The following PRKCB variants were observed in gnomAD, a reference collection of about 807,000 sequenced individuals.
PRKCB encodes protein kinase C beta.
In PRKCB, 13 loss-of-function variants were observed where a neutral mutation model predicts 81.5. That is an observed-to-expected ratio of 0.16 (90% CI 0.10 to 0.25). PRKCB has a LOEUF of 0.25. PRKCB is among the 10% of genes least tolerant of loss of function. PRKCB has a pLI of 1.00. For missense variants in PRKCB, 509 were observed against 875.7 expected (o/e 0.58, Z 5.29); for synonymous variants, 335 against 321.4 (o/e 1.04, Z -0.45).
At chr16:24,089,848 A>C (rs1342003627) in intron 5 of PRKCB, among the ~76,000 whole-genome samples, 2 of 152,184 alleles carry the variant, frequency 1.3e-5, no homozygotes, top group African/African-American at 4.8e-5. Flanking sequence ...GAATAAGAAT[A>C]ATAATGAAAT....
intron 3 of PRKCB, among the ~76,000 whole-genome samples, chr16:23,998,728 C>T (rs774720901): frequency 5.3e-5 from 8 of 152,200 alleles, no homozygotes; most frequent in Non-Finnish European, 1.0e-4. Context: ...ATGATGATGA[C>T]AATGACAATG....
chr16:24,015,539 C>T (rs943474501), intron 3 of PRKCB, among the ~76,000 whole-genome samples: 3 of 152,230 alleles, frequency 2.0e-5, no homozygotes, highest in Non-Finnish European at 2.9e-5. Flanking sequence ...TGACTCTGAA[C>T]CTCATGCAGT....
chr16:23,997,010 C>T (rs1413678375), intron 3 of PRKCB, among the ~76,000 whole-genome samples: 1 of 152,138 alleles, frequency 6.6e-6, no homozygotes, highest in African/African-American at 2.4e-5. Context: ...GTAATTTTAC[C>T]ACCAGCAAAA....
In PRKCB at chr16:23,914,789, G is replaced by A. The variant is rs139046545; in HGVS notation, c.206-73719G>A. 8.7e-3 allele frequency among the ~76,000 whole-genome samples: 1,331 copies of A among 152,288 alleles called. 19 individuals carry two copies. Among genetic ancestry groups the A allele is most frequent in the South Asian group, 0.056 (268 of 4,820 alleles). On this transcript the variant is annotated intron_variant, in intron 2 of 16. Coordinates refer to ENST00000643927, the MANE Select transcript of PRKCB (RefSeq NM_002738.7). ...TAGATGAAGGGGGAGGAGGCTGCCTGTAGTGTCTTCTTCATGGGCCAGTCC... is the reference window on the plus strand; with the variant it reads ...TAGATGAAGGGGGAGGAGGCTGCCTATAGTGTCTTCTTCATGGGCCAGTCC...
chr16:24,094,761 G>C (rs1207665515), intron 7 of PRKCB, among the ~76,000 whole-genome samples: 1 of 148,390 alleles, frequency 6.7e-6, no homozygotes, highest in Non-Finnish European at 1.5e-5. Context: ...GGGTGACAGA[G>C]TGATAAAAAA....
chr16:24,094,131 T>C, intron 6 of PRKCB, 32 bp from the exon 7 acceptor site: 1 of 1,604,094 alleles, frequency 6.2e-7, no homozygotes, highest in Non-Finnish European at 8.5e-7. Context: ...TACTACAACC[T>C]CCACTGATGT....
At chr16:24,130,963 CTGACTTTTCCCTTTAGAG>C (rs2141935352) in intron 9 of PRKCB, among the ~76,000 whole-genome samples, 1 of 152,336 alleles carries the variant, frequency 6.6e-6, no homozygotes, top group African/African-American at 2.4e-5. Flanking sequence ...AAAAGACCTT[CTGACTTTTCCCTTTAGAG>C]CTCTTGATGT....
intron 7 of PRKCB, among the ~76,000 whole-genome samples, chr16:24,108,851 C>T (rs1389529921): frequency 6.6e-6 from 1 of 152,076 alleles, no homozygotes; most frequent in Non-Finnish European, 1.5e-5. Flanking sequence ...CTGGCCCGTT[C>T]TCAATGAGCT....
intron 2 of PRKCB, among the ~76,000 whole-genome samples, chr16:23,928,786 T>G (rs1266713675): frequency 6.6e-6 from 1 of 151,896 alleles, no homozygotes; most frequent in Non-Finnish European, 1.5e-5. Context: ...TGGCATGATC[T>G]CGGCTCACTG....
intron 5 of PRKCB, among the ~76,000 whole-genome samples, chr16:24,058,500 T>C (rs942340816): frequency 5.9e-5 from 9 of 152,022 alleles, no homozygotes; most frequent in African/African-American, 1.9e-4. Flanking sequence ...CCATGAAACG[T>C]AACCTTCATG....
At chr16:23,901,891 G>A (rs1044547591) in intron 2 of PRKCB, among the ~76,000 whole-genome samples, 1 of 152,212 alleles carries the variant, frequency 6.6e-6, no homozygotes, top group African/African-American at 2.4e-5. Flanking sequence ...ACATCTCAGA[G>A]CTGGTGCAGA....
chr16:23,924,031 C>T (rs114368081), intron 2 of PRKCB, among the ~76,000 whole-genome samples: 5,912 of 152,072 alleles, frequency 0.039, 410 homozygotes, highest in African/African-American at 0.13. Context: ...ACTTTGTGTC[C>T]CCACCCAAAT....
At chr16:24,192,482 G>A (rs780676417) in intron 16 of PRKCB, among the ~76,000 whole-genome samples, 2 of 152,224 alleles carry the variant, frequency 1.3e-5, no homozygotes, top group African/African-American at 2.4e-5. Flanking sequence ...GAAAGGAAGA[G>A]TGAGCTCTTT....
intron 16 of PRKCB, among the ~76,000 whole-genome samples, chr16:24,212,162 T>G (rs1177360286): frequency 1.3e-5 from 2 of 152,162 alleles, no homozygotes; most frequent in Admixed American, 6.6e-5. Flanking sequence ...CTGGGGTTTC[T>G]CCCAGTCCTT....
At chr16:24,006,502 A>G (rs182911229) in intron 3 of PRKCB, among the ~76,000 whole-genome samples, 73 of 152,318 alleles carry the variant, frequency 4.8e-4, no homozygotes, top group African/African-American at 1.7e-3. Flanking sequence ...GGTTTCTACC[A>G]TGTTGGTGGT....
intron 7 of PRKCB, among the ~76,000 whole-genome samples, chr16:24,101,156 C>T (rs1233666813): frequency 3.3e-5 from 5 of 152,230 alleles, no homozygotes; most frequent in Non-Finnish European, 7.3e-5. Context: ...AGAATTCTAA[C>T]TTTGTGGCTA....
chr16:24,161,707 G>A (rs2141958606), intron 10 of PRKCB, among the ~76,000 whole-genome samples: 1 of 152,202 alleles, frequency 6.6e-6, no homozygotes, highest in Middle Eastern at 3.4e-3. Context: ...ATGACCTCTA[G>A]GAAGTCACTT....
intron 2 of PRKCB, among the ~76,000 whole-genome samples, chr16:23,873,064 A>T (rs1962933269): frequency 6.6e-6 from 1 of 151,594 alleles, no homozygotes; most frequent in Non-Finnish European, 1.5e-5. Flanking sequence ...GTGGTAGCGG[A>T]TGCCTGTAAT....
At chr16:23,871,175 G>A (rs537812588) in intron 2 of PRKCB, among the ~76,000 whole-genome samples, 1 of 152,192 alleles carries the variant, frequency 6.6e-6, no homozygotes, top group South Asian at 2.1e-4. Flanking sequence ...GGGATGGGCT[G>A]TATCTCTTAT....
Sources: gnomAD v4.1 joint callset for allele counts (sites outside exome capture counted in the v4.1 genomes callset) on GRCh38, gnomAD v4.1.1 for gene constraint, MANE v1.5 for transcripts, NCBI Gene and HGNC (gene_info 2026-07-23, HGNC 2026-07-21) for gene names.